Variants in NAV2 observed in about 807,000 individuals in gnomAD.
NAV2 encodes helicase, APC down-regulated 1.
Under a neutral mutation model 223.2 loss-of-function variants are expected in NAV2, and 54 were observed. That is an observed-to-expected ratio of 0.24 (90% CI 0.19 to 0.30). NAV2 has a LOEUF of 0.30. Among genes scored for constraint, NAV2 ranks in the 10% least tolerant of loss-of-function variants. The pLI is 1.00. For synonymous variants in NAV2, 1,279 were observed against 1,239.3 expected (o/e 1.03, Z -0.67); for missense variants, 2,806 against 3,147.5 (o/e 0.89, Z 2.60).
chr11:19,874,850 T>C (rs998106228), intron 4 of NAV2, among the ~76,000 whole-genome samples: 2 of 152,198 alleles, frequency 1.3e-5, no homozygotes, highest in African/African-American at 4.8e-5. Context: ...TAAAACAGTA[T>C]GTTAAGTAAA....
intron 1 of NAV2, chr11:19,511,049 T>C (rs2043263549): frequency 6.6e-6 from 1 of 152,242 alleles, no homozygotes; most frequent in Non-Finnish European, 1.5e-5. Context: ...TTATTAGTCT[T>C]GGTTTTTAGG....
At chr11:19,869,703 G>C (rs1338542428) in intron 4 of NAV2, among the ~76,000 whole-genome samples, 1 of 152,170 alleles carries the variant, frequency 6.6e-6, no homozygotes, top group Non-Finnish European at 1.5e-5. Context: ...AGCTCATTAG[G>C]CTGCACCTGC....
chr11:19,732,469 C>G (rs1056853076), intron 1 of NAV2, among the ~76,000 whole-genome samples: 2 of 152,138 alleles, frequency 1.3e-5, no homozygotes, highest in African/African-American at 4.8e-5. Flanking sequence ...TAGCAAGTGC[C>G]CAGAAGTGGG....
intron 1 of NAV2, among the ~76,000 whole-genome samples, chr11:19,396,072 T>G (rs1849433961): frequency 6.6e-6 from 1 of 152,208 alleles, no homozygotes; most frequent in Non-Finnish European, 1.5e-5. Context: ...GGATAATGCA[T>G]ATGAAGTACC....
intron 1 of NAV2, chr11:19,507,285 G>C (rs75870897): frequency 1.8e-4 from 28 of 152,334 alleles, no homozygotes; most frequent in African/African-American, 6.3e-4. Context: ...ATGGTGACTG[G>C]CAGGGCCAGC....
At chr11:19,427,639 G>A (rs952780027) in intron 1 of NAV2, among the ~76,000 whole-genome samples, 14 of 152,160 alleles carry the variant, frequency 9.2e-5, no homozygotes, top group Non-Finnish European at 1.2e-4. Flanking sequence ...GGGTCAAGGC[G>A]GGGCGGAATT....
the NAV2 span, among the ~76,000 whole-genome samples, chr11:19,345,338 C>T: frequency 6.6e-6 from 1 of 152,222 alleles, no homozygotes; most frequent in Non-Finnish European, 1.5e-5. The surrounding 1 kb of genome is among the most constrained non-coding windows in gnomAD (Gnocchi z 5.2). Context: ...CTGCCTCCCC[C>T]AGGTCGGGTC....
At chr11:20,038,484 T>C (rs900692024) in intron 12 of NAV2, among the ~76,000 whole-genome samples, 11 of 152,258 alleles carry the variant, frequency 7.2e-5, no homozygotes, top group African/African-American at 2.7e-4. Flanking sequence ...GTGACATTCC[T>C]TTTGTTCCTG....
intron 1 of NAV2, among the ~76,000 whole-genome samples, chr11:19,382,912 T>C (rs1296415570): frequency 6.6e-6 from 1 of 152,200 alleles, no homozygotes; most frequent in Non-Finnish European, 1.5e-5. Flanking sequence ...ACACTTTGTA[T>C]ATAGACAGCA....
At chr11:20,094,480 G>A (rs557087746) in intron 29 of NAV2, among the ~76,000 whole-genome samples, 5 of 152,032 alleles carry the variant, frequency 3.3e-5, no homozygotes, top group African/African-American at 1.2e-4. Flanking sequence ...CACCTGCCTC[G>A]GCCTCCCAAA....
intron 10 of NAV2, among the ~76,000 whole-genome samples, chr11:19,958,794 A>AGTGTGG: frequency 6.6e-6 from 1 of 152,212 alleles, no homozygotes; most frequent in African/African-American, 2.4e-5. Context: ...CCAATAGCCT[A>AGTGTGG]AGGACATACA....
At chr11:19,867,307 G>A (rs1590967654) in intron 3 of NAV2, among the ~76,000 whole-genome samples, 1 of 152,130 alleles carries the variant, frequency 6.6e-6, no homozygotes, top group South Asian at 2.1e-4. Flanking sequence ...GCAGGCTCCT[G>A]TGTATAACAG....
chr11:19,915,215 A>T (rs1286589730), intron 6 of NAV2, among the ~76,000 whole-genome samples: 1 of 152,204 alleles, frequency 6.6e-6, no homozygotes. Context: ...TTGATCATGG[A>T]GTCCACCAGG....
At chr11:20,025,334 T>A (rs1199002273) in intron 11 of NAV2, among the ~76,000 whole-genome samples, 1 of 152,226 alleles carries the variant, frequency 6.6e-6, no homozygotes, top group Non-Finnish European at 1.5e-5. Context: ...CTGAACTCTG[T>A]TGATGTTTAG....
rs1477091214 is a variant in NAV2 at position 19,869,073 on chromosome 11, A to G, written c.511+76A>G. ...CACCTGTTACTTATGAATGATATTA[A>G]CACCATTATGACAAGGGATGCTTGT... is the stretch of plus-strand genomic sequence containing the variant. On this transcript the variant is annotated intron_variant, in intron 4 of 37. Transcript: ENST00000349880. 2.9e-6 allele frequency: 4 copies of G among 1,381,530 alleles called. No homozygotes were observed. In the African/African-American group the frequency reaches 4.3e-5, roughly 15 times the overall value. The allele number at this position is 1,381,530 out of a possible 1,614,324, so 85.6% of individuals were successfully genotyped here. A position where few individuals can be genotyped will look rare whatever the true frequency, so the allele number is the denominator to read the frequency against.
chr11:19,402,230 G>A (rs190763964), intron 1 of NAV2, among the ~76,000 whole-genome samples: 6 of 152,272 alleles, frequency 3.9e-5, no homozygotes, highest in African/African-American at 1.2e-4. Flanking sequence ...AGACCACCTG[G>A]TTCAAATCTA....
At position 19,434,849 on chromosome 11, in the gene NAV2, C is replaced by CTT. The variant is rs57000125; in HGVS notation, c.75+83836_75+83837dup. Among the ~76,000 whole-genome samples, 312 of 129,190 alleles carry CTT rather than the reference C, an allele frequency of 2.4e-3. 6 individuals carry two copies. The highest frequency in any genetic ancestry group is 0.015 in the East Asian group (69 of 4,464). The allele number at this position is 129,190 out of a possible 152,430, so 84.8% of individuals were successfully genotyped here. On this transcript the variant is annotated intron_variant, in intron 1 of 37. Transcript: ENST00000360655. ...ACAGGAAAGAAGCAAAAGGTTGTGG[C>CTT]TTTTTTTTTTTTTTTGCCAAGCTCT... is the stretch of plus-strand genomic sequence containing the variant.
At chr11:19,626,071 G>T (rs1181207688) in intron 1 of NAV2, among the ~76,000 whole-genome samples, 4 of 152,042 alleles carry the variant, frequency 2.6e-5, no homozygotes, top group African/African-American at 9.7e-5. Flanking sequence ...TGCTTTGGTT[G>T]CCTGTGCTTT....
At chr11:19,637,554 G>A (rs575982465) in intron 1 of NAV2, among the ~76,000 whole-genome samples, 16 of 152,364 alleles carry the variant, frequency 1.1e-4, no homozygotes, top group East Asian at 3.9e-4. Flanking sequence ...TTGGCTTGCC[G>A]TTCTGCAGGC....
Sources: gnomAD v4.1 joint callset for allele counts (sites outside exome capture counted in the v4.1 genomes callset) on GRCh38, gnomAD v4.1.1 for gene constraint, Gnocchi (gnomAD v3.1) non-coding constraint, MANE v1.5 for transcripts, NCBI Gene and HGNC (gene_info 2026-07-23, HGNC 2026-07-21) for gene names.